Variants in PHKB observed in about 807,000 individuals in gnomAD.
PHKB encodes the protein phosphorylase kinase regulatory subunit beta, also known as phosphorylase b kinase regulatory subunit beta.
In PHKB, 122 loss-of-function variants were observed where a neutral mutation model predicts 152.1. The observed-to-expected ratio is 0.80, with a 90% CI of 0.69 to 0.93. The LOEUF (loss-of-function observed/expected upper bound fraction) is 0.93, where lower values mean the gene tolerates loss of function less well. Among genes scored for constraint, PHKB ranks in the 40% least tolerant of loss-of-function variants. The pLI is 0.00. For synonymous variants in PHKB, 436 were observed against 464.9 expected, an observed-to-expected ratio of 0.94 and a Z score of 0.80; for missense variants, 1,304 against 1,328.4, an observed-to-expected ratio of 0.98 and a Z score of 0.29.
At chr16:47,675,523 T>C (rs144914090) in intron 26 of PHKB, 1 of 124,038 alleles carries the variant, frequency 8.1e-6, no homozygotes. Flanking sequence ...ACACACACTC[T>C]CTCTCTCTCT....
intron 6 of PHKB, among the ~76,000 whole-genome samples, chr16:47,542,259 C>G (rs1302889304): frequency 6.6e-6 from 1 of 152,116 alleles, no homozygotes; most frequent in Non-Finnish European, 1.5e-5. Context: ...AATAGGGAAT[C>G]CTTTCCCCAT....
chr16:47,655,871 A>G (rs1973327097), intron 20 of PHKB, among the ~76,000 whole-genome samples: 2 of 152,168 alleles, frequency 1.3e-5, no homozygotes, highest in Admixed American at 1.3e-4. Flanking sequence ...TTTTATACTC[A>G]AGCACCTGAA....
intron 14 of PHKB, among the ~76,000 whole-genome samples, chr16:47,612,897 G>A (rs1175579069): frequency 6.6e-6 from 1 of 152,184 alleles, no homozygotes; most frequent in Non-Finnish European, 1.5e-5. Flanking sequence ...TGATGAAATA[G>A]AGTGGTCAGA....
chr16:47,462,516 C>T (rs1407720177), intron 1 of PHKB: 3 of 152,120 alleles, frequency 2.0e-5, no homozygotes, highest in African/African-American at 2.4e-5. Context: ...CGCCTGTAAC[C>T]CCAGCTACTC....
At chr16:47,677,393 T>C (rs1201851336) in intron 26 of PHKB, among the ~76,000 whole-genome samples, 1 of 152,222 alleles carries the variant, frequency 6.6e-6, no homozygotes. Flanking sequence ...CTGGCTTCCA[T>C]AACAAAACGC....
intron 25 of PHKB, among the ~76,000 whole-genome samples, chr16:47,668,989 C>G (rs894239429): frequency 2.6e-5 from 4 of 152,124 alleles, no homozygotes; most frequent in African/African-American, 9.7e-5. Flanking sequence ...AACTGGAACC[C>G]TCACCTGCCC....
intron 17 of PHKB, 114 bp downstream of exon 17, chr16:47,648,730 A>AG: frequency 1.3e-6 from 1 of 750,042 alleles, no homozygotes; most frequent in Non-Finnish European, 2.5e-6. Flanking sequence ...CAGACTACTT[A>AG]TCTGAAGTAT....
chr16:47,659,105 T>G (rs1228926011), intron 20 of PHKB, among the ~76,000 whole-genome samples: 6 of 152,154 alleles, frequency 3.9e-5, no homozygotes, highest in African/African-American at 4.8e-5. Context: ...TGTTCAAGAG[T>G]GACCTGACTA....
chr16:47,529,844 G>T (rs908336548), intron 6 of PHKB: 2 of 152,162 alleles, frequency 1.3e-5, no homozygotes, highest in Non-Finnish European at 2.9e-5. Context: ...GGACCAGGTA[G>T]TGTTTAATCT....
chr16:47,516,051 C>T (rs1032821326), intron 6 of PHKB, among the ~76,000 whole-genome samples: 3 of 151,900 alleles, frequency 2.0e-5, no homozygotes. Context: ...CCTCAGCCTC[C>T]AAAGTATCTG....
chr16:47,537,872 TTCTCTCTCTCTCTCTC>T, intron 6 of PHKB, among the ~76,000 whole-genome samples: 1 of 143,438 alleles, frequency 7.0e-6, no homozygotes, highest in East Asian at 2.0e-4. Flanking sequence ...ACGTGGAAAA[TTCTCTCTCTCTCTCTC>T]TCTCTCTCTC....
intron 27 of PHKB, among the ~76,000 whole-genome samples, chr16:47,689,961 C>T (rs1235072093): frequency 1.3e-5 from 2 of 152,140 alleles, no homozygotes; most frequent in Non-Finnish European, 2.9e-5. Flanking sequence ...TAATACAAAA[C>T]TTCATATGGA....
At chr16:47,579,877 A>G (rs1971813186) in intron 7 of PHKB, among the ~76,000 whole-genome samples, 1 of 152,174 alleles carries the variant, frequency 6.6e-6, no homozygotes, top group Non-Finnish European at 1.5e-5. Context: ...GATATGCAAG[A>G]TCTTTCTTAA....
chr16:47,530,628 A>G (rs1970846440), intron 6 of PHKB, among the ~76,000 whole-genome samples: 1 of 152,244 alleles, frequency 6.6e-6, no homozygotes, highest in Non-Finnish European at 1.5e-5. Context: ...TTAAAAATAT[A>G]GTTGTAAAGC....
intron 14 of PHKB, among the ~76,000 whole-genome samples, chr16:47,625,517 C>T (rs1462990109): frequency 6.6e-6 from 1 of 152,080 alleles, no homozygotes; most frequent in Non-Finnish European, 1.5e-5. Flanking sequence ...TCCAGCACTT[C>T]AGGGTCTCTC....
At chr16:47,556,533 G>A (rs1282714747) in intron 7 of PHKB, among the ~76,000 whole-genome samples, 1 of 152,130 alleles carries the variant, frequency 6.6e-6, no homozygotes, top group Admixed American at 6.5e-5. Flanking sequence ...TAATCATGTG[G>A]TTTTTGTCGT....
At chr16:47,610,509 A>C (rs1174691629) in intron 13 of PHKB, among the ~76,000 whole-genome samples, 3 of 151,922 alleles carry the variant, frequency 2.0e-5, no homozygotes, top group African/African-American at 7.3e-5. Flanking sequence ...CTTTTGATTT[A>C]TTATTTGACC....
chr16:47,680,606 G>A (rs1217417307), intron 26 of PHKB, among the ~76,000 whole-genome samples: 1 of 152,074 alleles, frequency 6.6e-6, no homozygotes, highest in Non-Finnish European at 1.5e-5. Context: ...TGTGGGATCG[G>A]TGGTGATATC....
At chr16:47,477,449 G>T (rs544137272) in intron 1 of PHKB, among the ~76,000 whole-genome samples, 1 of 152,048 alleles carries the variant, frequency 6.6e-6, no homozygotes, top group Non-Finnish European at 1.5e-5. Flanking sequence ...ACTATGTGTT[G>T]TCTAATAATT....
Sources: allele counts gnomAD v4.1 joint callset (sites outside exome capture counted in the v4.1 genomes callset), GRCh38; gene constraint gnomAD v4.1.1; transcripts MANE v1.5; gene names NCBI Gene and HGNC (gene_info 2026-07-23, HGNC 2026-07-21).